Variants in TOP3A observed in about 807,000 individuals in gnomAD.
TOP3A encodes DNA topoisomerase 3-alpha.
In TOP3A, 64 loss-of-function variants were observed where a neutral mutation model predicts 111.3. The observed-to-expected ratio is 0.57, with a 90% CI of 0.47 to 0.71. TOP3A has a LOEUF of 0.71. Ranked by LOEUF, TOP3A falls within the 30% of genes least tolerant of loss-of-function variation. The probability of loss-of-function intolerance (pLI) is 0.00; values close to 1 mark genes in which losing one functional copy is unlikely to be tolerated. For synonymous variants in TOP3A, 484 were observed against 485.1 expected (o/e 1.00, Z 0.03); for missense variants, 1,104 against 1,285.0 (o/e 0.86, Z 2.15).
intron 10 of TOP3A, 45 bp from the exon 11 acceptor site, chr17:18,292,897 CTGAT>C: frequency 1.3e-6 from 2 of 1,557,560 alleles, no homozygotes; most frequent in Admixed American, 1.8e-5. Context: ...GCTAGGCTCT[CTGAT>C]TGGTCTATAA....
chr17:18,303,311 C>T (rs1017662543), intron 5 of TOP3A, among the ~76,000 whole-genome samples: 2 of 152,134 alleles, frequency 1.3e-5, no homozygotes, highest in Non-Finnish European at 2.9e-5. Context: ...AGGTTTCCCC[C>T]GACTGAGACA....
chr17:18,276,083 A>G (rs918232496), intron 18 of TOP3A, among the ~76,000 whole-genome samples: 1 of 152,146 alleles, frequency 6.6e-6, no homozygotes. Flanking sequence ...CTCCCTCAAG[A>G]ATCCTAAGCT....
At chr17:18,307,248 T>C in intron 3 of TOP3A, 1 of 291,698 alleles carries the variant, frequency 3.4e-6, no homozygotes, top group East Asian at 6.1e-5. Context: ...CAAAAGTGAC[T>C]GTTTAAAGAT....
intron 9 of TOP3A, among the ~76,000 whole-genome samples, chr17:18,295,354 G>A (rs1157553623): frequency 1.3e-5 from 2 of 151,802 alleles, no homozygotes; most frequent in African/African-American, 4.8e-5. Flanking sequence ...TGCCATGCTG[G>A]CCTGGCTGGT....
intron 16 of TOP3A, among the ~76,000 whole-genome samples, chr17:18,282,329 G>A (rs1811954139): frequency 6.6e-6 from 1 of 152,156 alleles, no homozygotes. Context: ...TTCAGAGCAG[G>A]TAAGTAACTT....
intron 13 of TOP3A, among the ~76,000 whole-genome samples, chr17:18,288,086 T>C (rs78061122): frequency 0.014 from 2,060 of 149,502 alleles, 53 homozygotes; most frequent in African/African-American, 0.048. Context: ...CATTATACAT[T>C]TGAAGGAGAT....
intron 13 of TOP3A, among the ~76,000 whole-genome samples, chr17:18,287,965 T>G (rs945621534): frequency 6.6e-6 from 1 of 151,108 alleles, no homozygotes; most frequent in South Asian, 2.1e-4. Context: ...GCCACTCCAC[T>G]CCAGCCTGCA....
At chr17:18,309,019 G>T in intron 1 of TOP3A, 78 bp from the exon 2 acceptor site, 1 of 786,166 alleles carries the variant, frequency 1.3e-6, no homozygotes, top group Non-Finnish European at 1.9e-6. Flanking sequence ...TTCTGATCCT[G>T]AATTTGGCAA....
intron 2 of TOP3A, chr17:18,308,646 T>A (rs890680181): frequency 2.1e-6 from 1 of 484,036 alleles, no homozygotes; most frequent in Middle Eastern, 5.4e-4. Flanking sequence ...TCAGTTAAAT[T>A]TTCCTCAAAC....
chr17:18,290,769 T>C, intron 12 of TOP3A, 73 bp downstream of exon 12: 1 of 1,589,796 alleles, frequency 6.3e-7, no homozygotes, highest in Non-Finnish European at 8.6e-7. Flanking sequence ...AGGAACATGA[T>C]CCTGCTCCAC....
At chr17:18,288,598 G>C (rs1980273384) in intron 13 of TOP3A, among the ~76,000 whole-genome samples, 1 of 152,112 alleles carries the variant, frequency 6.6e-6, no homozygotes. Context: ...GTCAGGCTTG[G>C]ATCATCTTTC....
intron 11 of TOP3A, among the ~76,000 whole-genome samples, chr17:18,292,363 C>G (rs1435588180): frequency 6.6e-6 from 1 of 152,154 alleles, no homozygotes; most frequent in South Asian, 2.1e-4. Flanking sequence ...ACAAGGCTCA[C>G]AGTGGAGGTG....
rs765871700 is a variant in TOP3A at position 18,299,551 on chromosome 17, G to T, written c.990+8C>A. The T allele has an allele frequency of 6.2e-7, 1 of 1,613,766 alleles. No homozygotes were observed. Among genetic ancestry groups the T allele is most frequent in the Non-Finnish European group, 8.5e-7 (1 of 1,179,702 alleles). On this transcript the variant is annotated splice_region_variant and intron_variant, in intron 9 of 18. Coordinates refer to ENST00000321105, the MANE Select transcript of TOP3A (RefSeq NM_004618.5). ...CCGAGTGCCTGAAACAGCCTGTCTG[G>T]AACATACCACAGTGTCCAAGGCTTG... is the stretch of plus-strand genomic sequence containing the variant.
At chr17:18,298,111 C>T (rs1379596671) in intron 9 of TOP3A, among the ~76,000 whole-genome samples, 1 of 150,550 alleles carries the variant, frequency 6.6e-6, no homozygotes, top group African/African-American at 2.4e-5. Context: ...TCTGCCCGGC[C>T]GCCCCGTCTG....
chr17:18,291,973 C>A (rs4924842), intron 11 of TOP3A, among the ~76,000 whole-genome samples: 58,675 of 152,016 alleles, frequency 0.39, 12,968 homozygotes, highest in African/African-American at 0.61. Flanking sequence ...TGTCCTCCCA[C>A]AGTGTTGGGA....
At chr17:18,276,862 A>C (rs113217165) in intron 18 of TOP3A, among the ~76,000 whole-genome samples, 1 of 152,110 alleles carries the variant, frequency 6.6e-6, no homozygotes, top group African/African-American at 2.4e-5. Context: ...AGGTTCCTAA[A>C]TATCATCGGG....
At chr17:18,281,444 A>G (rs537188361) in intron 16 of TOP3A, among the ~76,000 whole-genome samples, 3 of 152,314 alleles carry the variant, frequency 2.0e-5, no homozygotes, top group Admixed American at 2.0e-4. Context: ...CTAAAGAATA[A>G]TAATAATTCT....
Position 18,301,999 on chromosome 17 carries a change from A to G in TOP3A, c.815-14T>C, listed in dbSNP as rs1246976863. On this transcript the variant is annotated splice_polypyrimidine_tract_variant and intron_variant, in intron 7 of 18. Coordinates refer to ENST00000321105, the MANE Select transcript of TOP3A (RefSeq NM_004618.5). Reference sequence around the variant, plus strand: ...GGTCATGAGTTACTATATTAAGGAGAGACAAACAGAAAGGCTGTGTCTCAG... The same window carrying G: ...GGTCATGAGTTACTATATTAAGGAGGGACAAACAGAAAGGCTGTGTCTCAG... 1 of 1,608,678 alleles carries G rather than the reference A, an allele frequency of 6.2e-7. No homozygotes were observed. The highest frequency in any genetic ancestry group is 1.7e-5 in the Admixed American group (1 of 59,878).
rs1362944610 is a variant in TOP3A, at chr17:18,273,735, T to C, written c.*1067A>G. 6.6e-6 allele frequency among the ~76,000 whole-genome samples: 1 copy of C among 152,118 alleles called. No homozygotes were observed. Among genetic ancestry groups the C allele is most frequent in the African/African-American group, 2.4e-5 (1 of 41,414 alleles). On this transcript the variant is annotated 3_prime_UTR_variant, in exon 19 of 19. Coordinates refer to ENST00000321105, the MANE Select transcript of TOP3A (RefSeq NM_004618.5). ...GCCTCAAACTCTTGGGTTCAAAGGATCCTCCCACTTCAGCCTCCTGAGCAG... is the reference window on the plus strand; with the variant it reads ...GCCTCAAACTCTTGGGTTCAAAGGACCCTCCCACTTCAGCCTCCTGAGCAG...
Sources: gnomAD v4.1 joint callset for allele counts (sites outside exome capture counted in the v4.1 genomes callset) on GRCh38, gnomAD v4.1.1 for gene constraint, MANE v1.5 for transcripts, NCBI Gene and HGNC (gene_info 2026-07-23, HGNC 2026-07-21) for gene names.